Variants in EFR3A observed in about 807,000 individuals in gnomAD.
EFR3A encodes the protein EFR3 homolog A.
In EFR3A, 76 loss-of-function variants were observed where a neutral mutation model predicts 104.4. The observed-to-expected ratio is 0.73, with a 90% CI of 0.60 to 0.88. The LOEUF is 0.88. Among genes scored for constraint, EFR3A ranks in the 40% least tolerant of loss-of-function variants. The pLI is 0.00. For missense variants in EFR3A, 985 were observed against 1,012.5 expected (o/e 0.97, Z 0.37); for synonymous variants, 330 against 330.0 (o/e 1.00, Z 0.00).
intron 1 of EFR3A, among the ~76,000 whole-genome samples, chr8:131,915,942 G>A (rs1385339477): frequency 6.6e-6 from 1 of 152,142 alleles, no homozygotes; most frequent in Non-Finnish European, 1.5e-5. Flanking sequence ...CCTCATACAG[G>A]ACATATGGAC....
Position 131,996,424 on chromosome 8 carries a change from G to C in EFR3A, c.2084G>C (p.Arg695Thr). 6.3e-7 allele frequency: 1 copy of C among 1,586,514 alleles called. No individual in the cohort carries two copies. Among genetic ancestry groups the C allele is most frequent in the East Asian group, 2.3e-5 (1 of 44,040 alleles). Residue 695 changes from arginine to threonine, a missense_variant, in exon 19 of 23, where the codon AGA becomes ACA. Transcript: ENST00000254624. ...PQVTDEDRLS[R>T]RKSIVDTVSI... Reference sequence around the variant, plus strand: ...ATTTTAGATGAAGATCGACTTTCTAGAAGAAAAAGCATTGTGGACACCGTA... The same window carrying C: ...ATTTTAGATGAAGATCGACTTTCTACAAGAAAAAGCATTGTGGACACCGTA...
chr8:131,990,365 G>T (rs1352589925), intron 18 of EFR3A, among the ~76,000 whole-genome samples: 2 of 152,124 alleles, frequency 1.3e-5, no homozygotes, highest in Admixed American at 6.5e-5. Flanking sequence ...GGTTTGGCTG[G>T]CCAGGGATAT....
At chr8:132,003,395 CT>C in intron 22 of EFR3A, 110 bp downstream of exon 22, 1 of 1,000,986 alleles carries the variant, frequency 1.0e-6, no homozygotes, top group South Asian at 1.6e-5. Flanking sequence ...TAAAGTAATG[CT>C]TTTCATTTAG....
chr8:132,010,933 C>T lies in EFR3A; in HGVS notation c.*38C>T, dbSNP rs1462422393. On this transcript the variant is annotated 3_prime_UTR_variant, in exon 23 of 23. Coordinates refer to ENST00000254624, the MANE Select transcript of EFR3A (RefSeq NM_015137.6). ...GACCTCAGGATATGATTTGTAAAGC[C>T]TAAAAATTAAGGCCAAGCTGAGCTT... 1 of 1,534,310 alleles carries T rather than the reference C, an allele frequency of 6.5e-7. No individual in the cohort carries two copies. The highest frequency in any genetic ancestry group is 8.9e-7 in the Non-Finnish European group (1 of 1,125,056).
rs1052330154 is a variant in EFR3A, at chr8:131,961,431, C to T, written c.855+1768C>T. On this transcript the variant is annotated intron_variant, in intron 8 of 22. Transcript: ENST00000254624. ...TGACGAATGCACAAGCTTCAGTAGC[C>T]GATTCGATCAACTGGAAGAAAGGTT... 3.9e-5 allele frequency among the ~76,000 whole-genome samples: 6 copies of T among 151,946 alleles called. No homozygotes were observed. The South Asian group carries it at 8.4e-4, about 21-fold the overall frequency.
At chr8:131,983,129 A>G (rs938293331) in intron 14 of EFR3A, among the ~76,000 whole-genome samples, 1 of 152,184 alleles carries the variant, frequency 6.6e-6, no homozygotes. Flanking sequence ...GTTCTCGCCC[A>G]GTTTCTTCTC....
At chr8:131,925,876 A>G (rs1817271491) in intron 1 of EFR3A, among the ~76,000 whole-genome samples, 1 of 152,120 alleles carries the variant, frequency 6.6e-6, no homozygotes, top group African/African-American at 2.4e-5. Context: ...AAGGCCTAAA[A>G]CAGAACAGTA....
intron 9 of EFR3A, among the ~76,000 whole-genome samples, chr8:131,969,516 TTGTG>T (rs1259228597): frequency 6.7e-6 from 1 of 150,040 alleles, no homozygotes; most frequent in Non-Finnish European, 1.5e-5. Context: ...GCTTTTTTAT[TTGTG>T]TGTGTTTTTT....
In EFR3A at chr8:131,995,417, C is replaced by T. The variant is rs1385532493; in HGVS notation, c.2066-989C>T. Among the ~76,000 whole-genome samples the T allele has an allele frequency of 3.9e-5, 6 of 152,104 alleles. No homozygotes were observed. In the South Asian group the frequency reaches 6.2e-4, roughly 16 times the overall value. ...TTTTCCTGTTAAACTGTAAGCTGCA[C>T]GGGATGTGTAATGTCTATTCAGCAG... is the stretch of plus-strand genomic sequence containing the variant. On this transcript the variant is annotated intron_variant, in intron 18 of 22. Transcript: ENST00000254624.
intron 1 of EFR3A, among the ~76,000 whole-genome samples, chr8:131,927,104 C>G (rs1282542792): frequency 6.6e-6 from 1 of 152,030 alleles, no homozygotes; most frequent in Non-Finnish European, 1.5e-5. Context: ...GCTTATAGAC[C>G]TCTGAGAAAA....
At chr8:131,923,003 G>T (rs1055661076) in intron 1 of EFR3A, among the ~76,000 whole-genome samples, 3 of 152,104 alleles carry the variant, frequency 2.0e-5, no homozygotes, top group African/African-American at 4.8e-5. Flanking sequence ...AGACAACAAT[G>T]TTCTCCGCAG....
chr8:132,010,409 T>TATAG (rs1554610366), intron 22 of EFR3A, among the ~76,000 whole-genome samples: 43 of 10,054 alleles, frequency 4.3e-3, no homozygotes, highest in Non-Finnish European at 4.5e-3. Flanking sequence ...AAGTATGAGA[T>TATAG]ATATATATAT....
chr8:131,943,468 GCTAA>G (rs1011590832), intron 2 of EFR3A, among the ~76,000 whole-genome samples: 88 of 152,100 alleles, frequency 5.8e-4, no homozygotes, highest in African/African-American at 2.0e-3. Flanking sequence ...AAGAAGAGAG[GCTAA>G]CTAACTGATG....
In EFR3A at chr8:131,968,337, C is replaced by T. The variant is rs144744313; in HGVS notation, c.898C>T (p.Leu300Phe). The T allele has an allele frequency of 6.2e-7, 1 of 1,613,254 alleles. No homozygotes were observed. Among genetic ancestry groups the T allele is most frequent in the South Asian group, 1.1e-5 (1 of 91,040 alleles). Residue 300 changes from leucine to phenylalanine, a missense_variant, in exon 9 of 23, where the codon CTT becomes TTT. Coordinates refer to ENST00000254624, the MANE Select transcript of EFR3A (RefSeq NM_015137.6). ...TGTGATCCAGGAGATTCTAGGACACCTTGATGCTCGTAAAAAAGATGCTCC... is the reference window on the plus strand; with the variant it reads ...TGTGATCCAGGAGATTCTAGGACACTTTGATGCTCGTAAAAAAGATGCTCC... ...HHVIQEILGH[L>F]DARKKDAPRV...
At chr8:131,957,870 T>C (rs936919819) in intron 7 of EFR3A, among the ~76,000 whole-genome samples, 4 of 151,958 alleles carry the variant, frequency 2.6e-5, no homozygotes, top group African/African-American at 9.7e-5. Flanking sequence ...TTGGCTGGAG[T>C]GTTGAATATA....
chr8:131,934,454 C>A (rs901889664), intron 1 of EFR3A, among the ~76,000 whole-genome samples: 1 of 152,116 alleles, frequency 6.6e-6, no homozygotes, highest in African/African-American at 2.4e-5. Flanking sequence ...TACAGCTGTG[C>A]AGTCTATTTG....
rs1189917653 is a variant in EFR3A, at chr8:132,012,006, C to G, written c.*1111C>G. ...CAGCTACCAAGATCACAGGTGCACT[C>G]TACACATAACACTGACAGACCCATA... On this transcript the variant is annotated 3_prime_UTR_variant, in exon 23 of 23. Coordinates refer to ENST00000254624, the MANE Select transcript of EFR3A (RefSeq NM_015137.6). The G allele has an allele frequency of 5.3e-5, 8 of 152,114 alleles. No homozygotes were observed. 9.4% of individuals were successfully genotyped at this position (152,114 alleles called of 1,614,324 possible).
At chr8:132,008,551 C>T (rs1273612380) in intron 22 of EFR3A, among the ~76,000 whole-genome samples, 2 of 151,890 alleles carry the variant, frequency 1.3e-5, no homozygotes, top group African/African-American at 4.8e-5. Flanking sequence ...AGAAATCAGA[C>T]ATAAAAGAAG....
At chr8:131,991,998 G>A (rs889465346) in intron 18 of EFR3A, among the ~76,000 whole-genome samples, 1 of 152,146 alleles carries the variant, frequency 6.6e-6, no homozygotes, top group South Asian at 2.1e-4. Context: ...TTGCCGCTCA[G>A]TGACCCCTTT....
Sources: gnomAD v4.1 joint callset for allele counts (sites outside exome capture counted in the v4.1 genomes callset) on GRCh38, gnomAD v4.1.1 for gene constraint, MANE v1.5 for transcripts, NCBI Gene and HGNC (gene_info 2026-07-23, HGNC 2026-07-21) for gene names.